The following B3GALT1 variants were observed in gnomAD, a reference collection of about 807,000 sequenced individuals.
The protein encoded by B3GALT1 is UDP-Gal:betaGlcNAc beta 1,3-galactosyltransferase, polypeptide 1.
Under a neutral mutation model 23.2 loss-of-function variants are expected in B3GALT1, and 10 were observed. That is an observed-to-expected ratio of 0.43 (90% CI 0.27 to 0.73). The LOEUF is 0.73. Ranked by LOEUF, B3GALT1 falls within the 30% of genes least tolerant of loss-of-function variation. B3GALT1 has a pLI of 0.21. For synonymous variants in B3GALT1, 156 were observed against 141.5 expected (o/e 1.10, Z -0.73); for missense variants, 299 against 405.4 (o/e 0.74, Z 2.25).
intron 3 of B3GALT1, among the ~76,000 whole-genome samples, chr2:167,817,232 C>CATT (rs1192845637): frequency 6.6e-5 from 10 of 152,160 alleles, no homozygotes; most frequent in Admixed American, 6.6e-4. Flanking sequence ...CATGTTTTCT[C>CATT]ATTATTAAAA....
chr2:167,662,799 C>T (rs1686087467), intron 3 of B3GALT1, among the ~76,000 whole-genome samples: 1 of 151,936 alleles, frequency 6.6e-6, no homozygotes, highest in African/African-American at 2.4e-5. Context: ...ACATTGACCC[C>T]TTTGGTGTTC....
chr2:167,725,488 T>C (rs1486483557), intron 3 of B3GALT1, among the ~76,000 whole-genome samples: 1 of 152,220 alleles, frequency 6.6e-6, no homozygotes, highest in Non-Finnish European at 1.5e-5. Flanking sequence ...AAATTTCTTA[T>C]CTTTTATAAT....
intron 3 of B3GALT1, among the ~76,000 whole-genome samples, chr2:167,650,324 GTA>G (rs1553475351): frequency 1.4e-5 from 2 of 147,762 alleles, no homozygotes; most frequent in South Asian, 2.1e-4. Context: ...ATGTGTGTGT[GTA>G]TATATATATT....
At chr2:167,689,686 T>C (rs997349597) in intron 3 of B3GALT1, among the ~76,000 whole-genome samples, 10 of 151,584 alleles carry the variant, frequency 6.6e-5, no homozygotes, top group Non-Finnish European at 5.9e-5. Flanking sequence ...GAAACCAGAG[T>C]CAAAGCAGCG....
chr2:167,706,440 T>A (rs897009147), intron 3 of B3GALT1, among the ~76,000 whole-genome samples: 10 of 152,152 alleles, frequency 6.6e-5, no homozygotes, highest in African/African-American at 2.4e-4. Context: ...CTGAGGACCT[T>A]CAAAGAAAAT....
chr2:167,713,838 G>A, intron 3 of B3GALT1: 1 of 1,593,122 alleles, frequency 6.3e-7, no homozygotes, highest in South Asian at 1.1e-5. Flanking sequence ...GGAGCATGTG[G>A]TGGACCTGGG....
At chr2:167,641,649 C>T (rs1203474801) in intron 2 of B3GALT1, among the ~76,000 whole-genome samples, 1 of 152,192 alleles carries the variant, frequency 6.6e-6, no homozygotes, top group African/African-American at 2.4e-5. Context: ...TCTTAAAGCG[C>T]TGTCTTTTCT....
intron 4 of B3GALT1, among the ~76,000 whole-genome samples, chr2:167,845,716 GCAA>G (rs1487883485): frequency 6.8e-6 from 1 of 147,386 alleles, no homozygotes; most frequent in African/African-American, 2.6e-5. Flanking sequence ...CCACCCCCCC[GCAA>G]CAACAAAATC....
At chr2:167,541,550 T>C (rs751895469) in intron 2 of B3GALT1, among the ~76,000 whole-genome samples, 1 of 152,164 alleles carries the variant, frequency 6.6e-6, no homozygotes, top group Non-Finnish European at 1.5e-5. Flanking sequence ...AATATTTCAG[T>C]TGTGATTTTA....
chr2:167,706,127 A>G (rs894782921), intron 3 of B3GALT1, among the ~76,000 whole-genome samples: 3 of 152,224 alleles, frequency 2.0e-5, no homozygotes, highest in African/African-American at 7.2e-5. Flanking sequence ...TTTAACTGAT[A>G]TGAAAGAGCA....
chr2:167,593,964 G>A (rs888740262), intron 2 of B3GALT1, among the ~76,000 whole-genome samples: 2 of 152,162 alleles, frequency 1.3e-5, no homozygotes, highest in Non-Finnish European at 2.9e-5. Flanking sequence ...TTAAAAGCAA[G>A]CAAACAAAAA....
intron 1 of B3GALT1, among the ~76,000 whole-genome samples, chr2:167,472,380 A>G (rs73022088): frequency 0.041 from 6,314 of 152,164 alleles, 448 homozygotes; most frequent in African/African-American, 0.14. Context: ...CCCCAAGTGT[A>G]TTAGACCTTT....
chr2:167,840,151 A>C (rs940015745), intron 4 of B3GALT1, among the ~76,000 whole-genome samples: 362 of 152,274 alleles, frequency 2.4e-3, no homozygotes, highest in Admixed American at 8.2e-3. Flanking sequence ...ACCAAAAGCA[A>C]TGGCAACAAA....
intron 3 of B3GALT1, among the ~76,000 whole-genome samples, chr2:167,690,893 G>T (rs917046948): frequency 6.6e-6 from 1 of 152,010 alleles, no homozygotes; most frequent in Non-Finnish European, 1.5e-5. Flanking sequence ...TTTCTAAGCA[G>T]GTGCGCCTTT....
At chr2:167,356,548 AC>A (rs1697415269) in intron 1 of B3GALT1, among the ~76,000 whole-genome samples, 1 of 152,148 alleles carries the variant, frequency 6.6e-6, no homozygotes, top group South Asian at 2.1e-4. Context: ...ATAAACAAAC[AC>A]TACATACTAG....
intron 3 of B3GALT1, among the ~76,000 whole-genome samples, chr2:167,762,247 A>G (rs1386560693): frequency 6.6e-6 from 1 of 152,184 alleles, no homozygotes; most frequent in Admixed American, 6.5e-5. Flanking sequence ...TTTAATTGAG[A>G]TGAAAATAAG....
At chr2:167,506,604 C>A (rs924072435) in intron 2 of B3GALT1, among the ~76,000 whole-genome samples, 2 of 152,164 alleles carry the variant, frequency 1.3e-5, no homozygotes, top group Non-Finnish European at 2.9e-5. Flanking sequence ...GTCATTCAGG[C>A]ATGCAAGTGC....
intron 3 of B3GALT1, among the ~76,000 whole-genome samples, chr2:167,753,006 G>A (rs1210299884): frequency 1.4e-4 from 22 of 152,156 alleles, no homozygotes; most frequent in Admixed American, 1.4e-3. Context: ...TAGAACATCT[G>A]CCTGTAGGTC....
At chr2:167,495,780 G>A (rs926327950) in intron 2 of B3GALT1, among the ~76,000 whole-genome samples, 2 of 152,170 alleles carry the variant, frequency 1.3e-5, no homozygotes, top group Non-Finnish European at 2.9e-5. Flanking sequence ...AGAATTTTGG[G>A]ATGGGAAGGC....
Sources: gnomAD v4.1 joint callset for allele counts (sites outside exome capture counted in the v4.1 genomes callset) on GRCh38, gnomAD v4.1.1 for gene constraint, MANE v1.5 for transcripts, NCBI Gene and HGNC (gene_info 2026-07-23, HGNC 2026-07-21) for gene names.